The following SLC24A3 variants were observed in gnomAD, a reference collection of about 807,000 sequenced individuals.
SLC24A3 encodes sodium/potassium/calcium exchanger 3.
A neutral mutation model predicts 75.8 loss-of-function variants in SLC24A3; 28 were observed. The ratio of observed to expected loss-of-function variants is 0.37; its 90% CI spans 0.27 to 0.51. The LOEUF (loss-of-function observed/expected upper bound fraction) is 0.51, where lower values mean the gene tolerates loss of function less well. Ranked by LOEUF, SLC24A3 falls within the 20% of genes least tolerant of loss-of-function variation. SLC24A3 has a pLI of 0.94. For synonymous variants in SLC24A3, 372 were observed against 334.1 expected (o/e 1.11, Z -1.24); for missense variants, 663 against 847.8 (o/e 0.78, Z 2.71).
chr20:19,567,211 G>T (rs904534325), intron 3 of SLC24A3, among the ~76,000 whole-genome samples: 3 of 152,082 alleles, frequency 2.0e-5, no homozygotes, highest in African/African-American at 7.2e-5. Context: ...AATATAAATC[G>T]TTCTACCATA....
At chr20:19,476,411 A>G (rs1239451990) in intron 2 of SLC24A3, among the ~76,000 whole-genome samples, 1 of 152,186 alleles carries the variant, frequency 6.6e-6, no homozygotes, top group Non-Finnish European at 1.5e-5. Context: ...AAATTCCTGG[A>G]AGGTAACATA....
intron 2 of SLC24A3, among the ~76,000 whole-genome samples, chr20:19,510,012 G>A (rs1353835660): frequency 6.6e-6 from 1 of 152,242 alleles, no homozygotes; most frequent in Non-Finnish European, 1.5e-5. Flanking sequence ...ACCACAGCAA[G>A]GCAACGAGTG....
intron 15 of SLC24A3, among the ~76,000 whole-genome samples, chr20:19,712,522 G>A (rs545606998): frequency 2.6e-5 from 4 of 152,138 alleles, no homozygotes; most frequent in East Asian, 3.9e-4. Context: ...TAGCTAGACC[G>A]AAAGTCTCAA....
intron 2 of SLC24A3, among the ~76,000 whole-genome samples, chr20:19,499,948 C>G (rs556936759): frequency 2.8e-4 from 42 of 152,182 alleles, no homozygotes; most frequent in Middle Eastern, 3.4e-3. Flanking sequence ...AGTTAGCTTC[C>G]CAGCTGGGCT....
intron 8 of SLC24A3, among the ~76,000 whole-genome samples, chr20:19,671,636 GTTTTTTTT>G (rs113299391): frequency 6.9e-6 from 1 of 145,416 alleles, no homozygotes; most frequent in African/African-American, 2.6e-5. Flanking sequence ...CCCAGGGTTG[GTTTTTTTT>G]TTGTTTTTTT....
Position 19,678,485 on chromosome 20 carries a change from C to T in SLC24A3, c.768-3373C>T, listed in dbSNP as rs554743441. On this transcript the variant is annotated intron_variant, in intron 9 of 16. Coordinates refer to ENST00000328041, the MANE Select transcript of SLC24A3 (RefSeq NM_020689.4). ...GGGGGCTGACCCCCCACCTCCCTCC[C>T]GGACGGGGCGGCTGGCCGGGCGGGG... 4.0e-3 allele frequency among the ~76,000 whole-genome samples: 562 copies of T among 140,668 alleles called. 18 individuals are homozygous for T. The highest frequency in any genetic ancestry group is 0.014 in the African/African-American group (513 of 36,392). 92.3% of individuals were successfully genotyped at this position (140,668 alleles called of 152,430 possible). A position where few individuals can be genotyped will look rare whatever the true frequency, so the allele number is the denominator to read the frequency against.
At chr20:19,274,029 G>T (rs181721509) in intron 1 of SLC24A3, among the ~76,000 whole-genome samples, 2 of 150,974 alleles carry the variant, frequency 1.3e-5, no homozygotes, top group Non-Finnish European at 3.0e-5. Context: ...GGTGGCTAGG[G>T]TTGCCTTCTC....
intron 3 of SLC24A3, among the ~76,000 whole-genome samples, chr20:19,522,097 G>T (rs1436756159): frequency 6.6e-6 from 1 of 152,180 alleles, no homozygotes; most frequent in Non-Finnish European, 1.5e-5. Context: ...CACTTGAAAT[G>T]TGGCTAGTGT....
At chr20:19,299,146 C>T (rs1984133045) in intron 2 of SLC24A3, among the ~76,000 whole-genome samples, 1 of 151,840 alleles carries the variant, frequency 6.6e-6, no homozygotes. Flanking sequence ...CTCATCTTGA[C>T]CCAGAAGACC....
chr20:19,619,103 C>A (rs768566203), intron 6 of SLC24A3, among the ~76,000 whole-genome samples: 1 of 152,156 alleles, frequency 6.6e-6, no homozygotes, highest in African/African-American at 2.4e-5. Context: ...TCCCTCCCAT[C>A]AAAAAGTGGC....
Position 19,348,755 on chromosome 20 carries a change from G to A in SLC24A3, c.271+67668G>A, listed in dbSNP as rs79110331. Among the ~76,000 whole-genome samples, 137 of 152,292 alleles carry A rather than the reference G, an allele frequency of 9.0e-4. 2 individuals are homozygous for A. The East Asian group carries it at 0.025, about 28-fold the overall frequency. On this transcript the variant is annotated intron_variant, in intron 2 of 16. Transcript: ENST00000328041. Reference sequence around the variant, plus strand: ...TCCATCCTCCAGGATATGCCGAGGAGTGCATGGAGTGCACACACAGACTGC... The same window carrying A: ...TCCATCCTCCAGGATATGCCGAGGAATGCATGGAGTGCACACACAGACTGC...
intron 2 of SLC24A3, among the ~76,000 whole-genome samples, chr20:19,512,398 C>T (rs1204940513): frequency 6.6e-6 from 1 of 152,184 alleles, no homozygotes; most frequent in African/African-American, 2.4e-5. Flanking sequence ...GGGTCCTGCT[C>T]CATCCAGGGC....
At chr20:19,477,775 T>C (rs1478630382) in intron 2 of SLC24A3, among the ~76,000 whole-genome samples, 1 of 152,216 alleles carries the variant, frequency 6.6e-6, no homozygotes, top group Non-Finnish European at 1.5e-5. Context: ...CATTTGCCAG[T>C]CTTACACGTG....
chr20:19,462,413 C>A (rs761886891), intron 2 of SLC24A3, among the ~76,000 whole-genome samples: 1 of 150,054 alleles, frequency 6.7e-6, no homozygotes, highest in Non-Finnish European at 1.5e-5. Flanking sequence ...CCTGACACCA[C>A]GCCCGGCTAA....
chr20:19,586,041 C>T (rs942388815), intron 6 of SLC24A3, among the ~76,000 whole-genome samples: 7 of 152,156 alleles, frequency 4.6e-5, no homozygotes, highest in African/African-American at 7.2e-5. Context: ...TCTATTATAA[C>T]GTGCCTTTGG....
intron 14 of SLC24A3, 77 bp downstream of exon 14, chr20:19,696,988 A>C: frequency 2.1e-5 from 3 of 145,802 alleles, no homozygotes; most frequent in Non-Finnish European, 3.9e-5. Context: ...GGAGGGAGGG[A>C]GGGAAGGAAG....
rs1490321747 is a variant in SLC24A3, at chr20:19,585,496, A to T, written c.564A>T (p.Val188=). ...VGVGTIVGSA[V]FNILCIIGVC... Reference sequence around the variant, plus strand: ...TTGGCACCATCGTGGGCTCAGCGGTATTCAACATCCTGTGCATCATTGGTG... The same window carrying T: ...TTGGCACCATCGTGGGCTCAGCGGTTTTCAACATCCTGTGCATCATTGGTG... The change falls in exon 6 of 17, where the codon GTA becomes GTT. Residue 188 remains valine, a synonymous_variant. Coordinates refer to ENST00000328041, the MANE Select transcript of SLC24A3 (RefSeq NM_020689.4). The T allele has an allele frequency of 1.2e-6, 2 of 1,614,192 alleles. No homozygotes were observed. The highest frequency in any genetic ancestry group is 8.5e-7 in the Non-Finnish European group (1 of 1,180,026).
At chr20:19,702,622 CAAA>C (rs11470232) in intron 15 of SLC24A3, among the ~76,000 whole-genome samples, 8,723 of 148,872 alleles carry the variant, frequency 0.059, 382 homozygotes, top group African/African-American at 0.12. Context: ...GTAATAAGTG[CAAA>C]AAAAAAAAAA....
At chr20:19,641,803 T>C (rs1029315259) in intron 6 of SLC24A3, among the ~76,000 whole-genome samples, 1 of 152,156 alleles carries the variant, frequency 6.6e-6, no homozygotes, top group Admixed American at 6.5e-5. Context: ...GTGATTCCAA[T>C]GTACAGCCAA....
Sources: gnomAD v4.1 joint callset for allele counts (sites outside exome capture counted in the v4.1 genomes callset) on GRCh38, gnomAD v4.1.1 for gene constraint, MANE v1.5 for transcripts, NCBI Gene and HGNC (gene_info 2026-07-23, HGNC 2026-07-21) for gene names.